The following IL1RAPL2 variants were observed in gnomAD, a reference collection of about 807,000 sequenced individuals.
IL1RAPL2 encodes the protein interleukin 1 receptor accessory protein like 2, also known as X-linked interleukin-1 receptor accessory protein-like 2.
IL1RAPL2 carries 3 observed loss-of-function variants against 44.1 expected under a neutral mutation model. That is an observed-to-expected ratio of 0.07 (90% confidence interval 0.03 to 0.18). IL1RAPL2 has a LOEUF of 0.18. Ranked by LOEUF, IL1RAPL2 falls within the 10% of genes least tolerant of loss-of-function variation. The pLI, the probability that IL1RAPL2 is intolerant of heterozygous loss-of-function variation, is 1.00. For missense variants in IL1RAPL2, 391 were observed against 496.4 expected (o/e 0.79, Z 2.02); for synonymous variants, 181 against 178.8 (o/e 1.01, Z -0.10).
intron 7 of IL1RAPL2, among the ~76,000 whole-genome samples, chrX:105,720,093 C>T (rs2038290206): frequency 9.0e-6 from 1 of 111,480 alleles, no homozygotes; most frequent in Non-Finnish European, 1.9e-5. Flanking sequence ...AGTTCCATCA[C>T]CAAAAAGCTC....
intron 1 of IL1RAPL2, among the ~76,000 whole-genome samples, chrX:104,582,869 T>TTTC (rs34608679): frequency 1.1e-5 from 1 of 88,533 alleles, no homozygotes; most frequent in African/African-American, 4.5e-5. Context: ...TCTTTCTTTC[T>TTTC]TTTTCTTTTC....
intron 6 of IL1RAPL2, among the ~76,000 whole-genome samples, chrX:105,486,173 C>A (rs1459043597): frequency 9.0e-6 from 1 of 111,607 alleles, no homozygotes. Context: ...TGAGATGATA[C>A]CTCCTTGTAG....
chrX:105,739,286 T>G (rs2038476074), intron 7 of IL1RAPL2, among the ~76,000 whole-genome samples: 2 of 111,621 alleles, frequency 1.8e-5, no homozygotes. Context: ...TGACTTTATT[T>G]ATCAAAGCCT....
At chrX:104,639,873 T>A (rs776496649) in intron 1 of IL1RAPL2, among the ~76,000 whole-genome samples, 236 of 112,105 alleles carry the variant, frequency 2.1e-3, no homozygotes, top group Non-Finnish European at 3.4e-3. Flanking sequence ...GGGAATTTTC[T>A]TATAAATGAC....
intron 7 of IL1RAPL2, among the ~76,000 whole-genome samples, chrX:105,738,884 T>A (rs1439945850): frequency 9.2e-6 from 1 of 109,210 alleles, no homozygotes; most frequent in East Asian, 2.9e-4. Context: ...GCTTCTCCTG[T>A]GAGGGCAGAA....
intron 7 of IL1RAPL2, among the ~76,000 whole-genome samples, chrX:105,727,773 CA>C (rs2038364356): frequency 9.0e-6 from 1 of 111,533 alleles, no homozygotes; most frequent in African/African-American, 3.3e-5. Context: ...TAATACTTCC[CA>C]GCTTACCACA....
intron 6 of IL1RAPL2, among the ~76,000 whole-genome samples, chrX:105,498,575 A>G (rs2036371434): frequency 9.0e-6 from 1 of 111,464 alleles, no homozygotes. Flanking sequence ...AAGGTCCCCA[A>G]ATAGCCAAAA....
intron 2 of IL1RAPL2, among the ~76,000 whole-genome samples, chrX:104,852,067 A>G (rs1922240064): frequency 9.0e-6 from 1 of 111,644 alleles, no homozygotes; most frequent in African/African-American, 3.3e-5. Context: ...GAAAAATGGA[A>G]CACATCCAAA....
chrX:105,741,422 T>C (rs780321764), intron 8 of IL1RAPL2, among the ~76,000 whole-genome samples: 15 of 112,180 alleles, frequency 1.3e-4, no homozygotes, highest in Non-Finnish European at 2.1e-4. Flanking sequence ...TTTTTGTATA[T>C]GTACATCCGG....
intron 2 of IL1RAPL2, among the ~76,000 whole-genome samples, chrX:105,186,070 G>A (rs2033583424): frequency 8.9e-6 from 1 of 111,928 alleles, no homozygotes. Flanking sequence ...TTTAGAGTAT[G>A]TGAAACGATG....
intron 2 of IL1RAPL2, among the ~76,000 whole-genome samples, chrX:104,765,011 G>GT (rs1235173557): frequency 1.8e-5 from 2 of 111,612 alleles, no homozygotes; most frequent in East Asian, 2.8e-4. Context: ...TTGGTCTGTA[G>GT]TTTTTTTATA....
At chrX:105,371,439 T>C (rs1286595827) in intron 5 of IL1RAPL2, among the ~76,000 whole-genome samples, 1 of 111,509 alleles carries the variant, frequency 9.0e-6, no homozygotes, top group Non-Finnish European at 1.9e-5. Context: ...CCAGTTTCAA[T>C]CCACTGCATA....
chrX:104,919,991 A>T (rs1009734733), intron 2 of IL1RAPL2, among the ~76,000 whole-genome samples: 4 of 111,034 alleles, frequency 3.6e-5, no homozygotes, highest in African/African-American at 1.3e-4. Flanking sequence ...GAGGCATAAG[A>T]GGCCATTGGA....
intron 2 of IL1RAPL2, among the ~76,000 whole-genome samples, chrX:104,703,400 C>T (rs1172133565): frequency 9.0e-6 from 1 of 111,700 alleles, no homozygotes; most frequent in Non-Finnish European, 1.9e-5. Flanking sequence ...TGTGTGTTTC[C>T]ACTATCACAG....
chrX:105,357,436 G>A (rs960723188), intron 5 of IL1RAPL2, among the ~76,000 whole-genome samples: 20 of 111,490 alleles, frequency 1.8e-4, no homozygotes, highest in African/African-American at 5.9e-4. Flanking sequence ...TCAGTAGAAT[G>A]CTTATGGTGA....
At chrX:104,910,905 A>T (rs1004831109) in intron 2 of IL1RAPL2, among the ~76,000 whole-genome samples, 1 of 111,904 alleles carries the variant, frequency 8.9e-6, no homozygotes, top group Non-Finnish European at 1.9e-5. Context: ...GCTTATTGAC[A>T]CAAGGGAGAA....
At chrX:104,990,961 C>T (rs768940379) in intron 2 of IL1RAPL2, among the ~76,000 whole-genome samples, 4 of 111,158 alleles carry the variant, frequency 3.6e-5, no homozygotes, top group Admixed American at 2.9e-4. Flanking sequence ...GCCTTATTAA[C>T]CCTAGTAAAG....
intron 6 of IL1RAPL2, among the ~76,000 whole-genome samples, chrX:105,547,353 A>G (rs1262214091): frequency 8.9e-6 from 1 of 112,447 alleles, no homozygotes; most frequent in Non-Finnish European, 1.9e-5. Context: ...ACAATCATAG[A>G]TTCTGAAGAT....
chrX:104,675,681 C>G (rs1213882033), intron 2 of IL1RAPL2, among the ~76,000 whole-genome samples: 1 of 110,637 alleles, frequency 9.0e-6, no homozygotes, highest in African/African-American at 3.3e-5. Flanking sequence ...TTTGATCTGT[C>G]TAATGTTGAC....
Sources: gnomAD v4.1 joint callset for allele counts (sites outside exome capture counted in the v4.1 genomes callset) on GRCh38, gnomAD v4.1.1 for gene constraint, MANE v1.5 for transcripts, NCBI Gene and HGNC (gene_info 2026-07-23, HGNC 2026-07-21) for gene names.